JAZF1: variants seen among roughly 807,000 people sequenced by gnomAD.
JAZF1 encodes juxtaposed with another zinc finger protein 1.
JAZF1 carries 8 observed loss-of-function variants against 26.4 expected under a neutral mutation model. That is an observed-to-expected ratio of 0.30 (90% CI 0.18 to 0.55). The LOEUF is 0.55. JAZF1 is among the 20% of genes least tolerant of loss of function. JAZF1 has a pLI of 0.94. For missense variants in JAZF1, 199 were observed against 322.0 expected (o/e 0.62, Z 2.92); for synonymous variants, 126 against 122.3 (o/e 1.03, Z -0.20).
rs147130732 is a variant in JAZF1, at chr7:27,923,825, C to A, written c.189-28409G>T. On this transcript the variant is annotated intron_variant, in intron 2 of 4. Coordinates refer to ENST00000283928, the MANE Select transcript of JAZF1 (RefSeq NM_175061.4). Reference sequence around the variant, plus strand: ...CCTTAAACCTGAGAAAGGTCTGAACCAATTTTTGAGCACTATGAGACTGAG... The same window carrying A: ...CCTTAAACCTGAGAAAGGTCTGAACAAATTTTTGAGCACTATGAGACTGAG... Among the ~76,000 whole-genome samples, 741 of 152,288 alleles carry A rather than the reference C, an allele frequency of 4.9e-3. 5 individuals carry two copies. The highest frequency in any genetic ancestry group is 0.017 in the African/African-American group (701 of 41,546).
chr7:28,031,434 A>G (rs536310367), intron 1 of JAZF1, among the ~76,000 whole-genome samples: 3 of 152,272 alleles, frequency 2.0e-5, no homozygotes, highest in South Asian at 2.1e-4. Flanking sequence ...CTCACTCCCA[A>G]TATCCCACCC....
intron 1 of JAZF1, among the ~76,000 whole-genome samples, chr7:28,132,228 G>C (rs193012677): frequency 6.6e-6 from 1 of 152,196 alleles, no homozygotes; most frequent in African/African-American, 2.4e-5. Flanking sequence ...TGGCCCAAAA[G>C]ACAGTTAGCA....
intron 2 of JAZF1, among the ~76,000 whole-genome samples, chr7:27,912,009 C>A (rs936103659): frequency 5.3e-5 from 8 of 152,138 alleles, no homozygotes; most frequent in South Asian, 2.1e-4. Context: ...TATGCAAAGA[C>A]GTCCTCTCAA....
chr7:27,958,161 T>C (rs1486064924), intron 2 of JAZF1, among the ~76,000 whole-genome samples: 1 of 152,222 alleles, frequency 6.6e-6, no homozygotes, highest in Non-Finnish European at 1.5e-5. Flanking sequence ...TAAAGGCATA[T>C]GTAAGAAACA....
chr7:28,045,129 C>A (rs1236025990), intron 1 of JAZF1, among the ~76,000 whole-genome samples: 2 of 94,180 alleles, frequency 2.1e-5, no homozygotes, highest in African/African-American at 8.4e-5. Context: ...AAAAGAAATT[C>A]TTTTGCTTTG....
chr7:27,961,089 G>A (rs1583481942), intron 2 of JAZF1, among the ~76,000 whole-genome samples: 2 of 152,202 alleles, frequency 1.3e-5, no homozygotes, highest in Non-Finnish European at 2.9e-5. Flanking sequence ...AAAGCTGGCA[G>A]TTTTATTGCT....
chr7:28,105,366 A>G (rs1784534859), intron 1 of JAZF1, among the ~76,000 whole-genome samples: 1 of 152,236 alleles, frequency 6.6e-6, no homozygotes, highest in African/African-American at 2.4e-5. Flanking sequence ...ACCGCAGATA[A>G]ACTGCAAAGC....
intron 1 of JAZF1, among the ~76,000 whole-genome samples, chr7:28,074,898 A>G (rs1008654143): frequency 2.6e-5 from 4 of 152,208 alleles, no homozygotes; most frequent in African/African-American, 9.7e-5. Context: ...GACTAGTCTA[A>G]GCATTTATAA....
At chr7:28,043,124 A>G (rs999746605) in intron 1 of JAZF1, among the ~76,000 whole-genome samples, 1 of 152,194 alleles carries the variant, frequency 6.6e-6, no homozygotes, top group Non-Finnish European at 1.5e-5. Context: ...GAGGATTCAC[A>G]TTAACAGGTG....
chr7:28,039,205 A>C (rs988967427), intron 1 of JAZF1, among the ~76,000 whole-genome samples: 2 of 152,170 alleles, frequency 1.3e-5, no homozygotes, highest in African/African-American at 4.8e-5. Context: ...AGAACATTCT[A>C]ATGTTTTAAA....
At chr7:27,940,583 G>A (rs1257732670) in intron 2 of JAZF1, among the ~76,000 whole-genome samples, 1 of 152,178 alleles carries the variant, frequency 6.6e-6, no homozygotes, top group Non-Finnish European at 1.5e-5. Flanking sequence ...AATCCCTCAA[G>A]TCTGATGACA....
intron 1 of JAZF1, among the ~76,000 whole-genome samples, chr7:28,025,271 A>G (rs890170466): frequency 2.0e-5 from 3 of 152,242 alleles, no homozygotes; most frequent in African/African-American, 7.2e-5. Flanking sequence ...ACAACAACCC[A>G]GTCAACCCTT....
chr7:27,919,177 T>C (rs1784489583), intron 2 of JAZF1, among the ~76,000 whole-genome samples: 1 of 152,184 alleles, frequency 6.6e-6, no homozygotes, highest in Non-Finnish European at 1.5e-5. Context: ...AAATGTAAAA[T>C]TATATTTTGA....
intron 3 of JAZF1, among the ~76,000 whole-genome samples, chr7:27,858,475 C>G (rs1487384670): frequency 6.6e-6 from 1 of 152,194 alleles, no homozygotes; most frequent in African/African-American, 2.4e-5. Context: ...TACCTGACTT[C>G]AAACTATACT....
intron 1 of JAZF1, among the ~76,000 whole-genome samples, chr7:28,032,048 C>T (rs1202857904): frequency 6.6e-6 from 1 of 152,164 alleles, no homozygotes; most frequent in Non-Finnish European, 1.5e-5. Context: ...GAGTGTCTCA[C>T]GCAACCATTA....
intron 1 of JAZF1, among the ~76,000 whole-genome samples, chr7:28,075,116 C>T (rs751192268): frequency 1.3e-5 from 2 of 152,190 alleles, no homozygotes; most frequent in African/African-American, 2.4e-5. Context: ...TTACTACACT[C>T]ACTGCAAATT....
At chr7:27,974,454 T>A (rs916358181) in intron 2 of JAZF1, among the ~76,000 whole-genome samples, 1 of 152,196 alleles carries the variant, frequency 6.6e-6, no homozygotes, top group Non-Finnish European at 1.5e-5. Context: ...CTTAAGGAAC[T>A]TGAGTACAGT....
At chr7:27,891,395 T>C (rs976190544) in intron 3 of JAZF1, among the ~76,000 whole-genome samples, 2 of 152,252 alleles carry the variant, frequency 1.3e-5, no homozygotes, top group Non-Finnish European at 2.9e-5. Context: ...TGGACCTTTA[T>C]AGAAAAAGTT....
At chr7:27,896,302 C>T (rs779130106) in intron 2 of JAZF1, among the ~76,000 whole-genome samples, 5 of 150,870 alleles carry the variant, frequency 3.3e-5, no homozygotes, top group Non-Finnish European at 5.9e-5. Context: ...AGATTCAAAA[C>T]AATCTATGAA....
Sources: gnomAD v4.1 joint callset for allele counts (sites outside exome capture counted in the v4.1 genomes callset) on GRCh38, gnomAD v4.1.1 for gene constraint, MANE v1.5 for transcripts, NCBI Gene and HGNC (gene_info 2026-07-23, HGNC 2026-07-21) for gene names.